HDAC3: variants seen among roughly 807,000 people sequenced by gnomAD.
HDAC3 encodes the protein histone deacetylase 3.
A neutral mutation model predicts 62.3 loss-of-function variants in HDAC3; 21 were observed. That is an observed-to-expected ratio of 0.34 (90% confidence interval 0.24 to 0.49). The LOEUF is 0.49. Among genes scored for constraint, HDAC3 ranks in the 20% least tolerant of loss-of-function variants. The pLI is 0.99. For missense variants in HDAC3, 270 were observed against 556.9 expected, an observed-to-expected ratio of 0.48 and a Z score of 5.19; for synonymous variants, 198 against 206.5, an observed-to-expected ratio of 0.96 and a Z score of 0.35.
chr5:141,625,981 CTGTT>C lies in HDAC3; in HGVS notation c.979+28_979+31del. Reference sequence around the variant, plus strand: ...CTGGAATCTGGTGAGAATGGCCTTCCTGTTATGGGGGTGTTGTGGGGTGGTCCTT... The same window carrying C: ...CTGGAATCTGGTGAGAATGGCCTTCCATGGGGGTGTTGTGGGGTGGTCCTT... On this transcript the variant is annotated intron_variant, in intron 12 of 14. Coordinates refer to ENST00000305264, the MANE Select transcript of HDAC3 (RefSeq NM_003883.4). The surrounding 1 kb of genome is among the most constrained non-coding windows in gnomAD (Gnocchi z 4.0). The C allele has an allele frequency of 1.3e-6, 2 of 1,581,986 alleles. No homozygotes were observed. Among genetic ancestry groups the C allele is most frequent in the Non-Finnish European group, 1.7e-6 (2 of 1,150,848 alleles).
intron 3 of HDAC3, among the ~76,000 whole-genome samples, chr5:141,630,719 C>T (rs1278013751): frequency 6.6e-6 from 1 of 152,090 alleles, no homozygotes; most frequent in Non-Finnish European, 1.5e-5. Context: ...ATGTAACATT[C>T]TGGAAAAGGT....
chr5:141,628,282 G>A lies in HDAC3; in HGVS notation c.692-95C>T. ...GGGGGTTGAGCGAGCATGTAGCCCA[G>A]GAAAGGGGCCACCCAAAAGAATCAA... On this transcript the variant is annotated intron_variant, in intron 8 of 14. Coordinates refer to ENST00000305264, the MANE Select transcript of HDAC3 (RefSeq NM_003883.4). The surrounding 1 kb of genome is among the most constrained non-coding windows in gnomAD (Gnocchi z 4.7). The A allele has an allele frequency of 9.6e-7, 1 of 1,036,720 alleles. No individual in the cohort carries two copies. The highest frequency in any genetic ancestry group is 1.5e-6 in the Non-Finnish European group (1 of 671,936). 64.2% of individuals were successfully genotyped at this position (1,036,720 alleles called of 1,614,324 possible). A position where few individuals can be genotyped will look rare whatever the true frequency, so the allele number is the denominator to read the frequency against.
In HDAC3 at chr5:141,621,467, C is replaced by G; in HGVS notation, c.*1G>C. 1 of 1,613,850 alleles carries G rather than the reference C, an allele frequency of 6.2e-7. No individual in the cohort carries two copies. Among genetic ancestry groups the G allele is most frequent in the Non-Finnish European group, 8.5e-7 (1 of 1,179,726 alleles). ...TTGGGACACAGCATCCCAAGCCACT[C>G]TTAAATCTCCACATCGCTTTCCTTG... On this transcript the variant is annotated 3_prime_UTR_variant, in exon 15 of 15. Coordinates refer to ENST00000305264, the MANE Select transcript of HDAC3 (RefSeq NM_003883.4).
rs1461364177 is a variant in HDAC3, at chr5:141,635,414, A to G, written c.139-461T>C. ...GTCACACCTCTTTGAAAACTGCACA[A>G]GAAAGAGCTTTTCTTCTCCCAGAAA... On this transcript the variant is annotated intron_variant, in intron 2 of 14. Transcript: ENST00000305264. 2.6e-5 allele frequency among the ~76,000 whole-genome samples: 4 copies of G among 152,236 alleles called. No homozygotes were observed. The South Asian group carries it at 8.3e-4, about 32-fold the overall frequency.
rs571809731 is a variant in HDAC3, at chr5:141,627,863, C to T, written c.830+30G>A. On this transcript the variant is annotated intron_variant, in intron 10 of 14. Coordinates refer to ENST00000305264, the MANE Select transcript of HDAC3 (RefSeq NM_003883.4). ...CTGAAGTCCAAGGCCACTTAAAAAC[C>T]TTGGGGAGAAGAAGGAGAGCAAGTC... 9 of 1,612,442 alleles carry T rather than the reference C, an allele frequency of 5.6e-6. No homozygotes were observed. The African/African-American group carries it at 1.2e-4, about 22-fold the overall frequency.
At chr5:141,633,969 A>G (rs1157992264) in intron 3 of HDAC3, among the ~76,000 whole-genome samples, 1 of 152,232 alleles carries the variant, frequency 6.6e-6, no homozygotes, top group Non-Finnish European at 1.5e-5. Flanking sequence ...AACAAAAGTA[A>G]GTAGAATTGA....
chr5:141,629,772 A>G lies in HDAC3; in HGVS notation c.421-33T>C. 1 of 1,613,322 alleles carries G rather than the reference A, an allele frequency of 6.2e-7. No homozygotes were observed. The highest frequency in any genetic ancestry group is 8.5e-7 in the Non-Finnish European group (1 of 1,179,294). On this transcript the variant is annotated intron_variant, in intron 5 of 14. Transcript: ENST00000305264. The surrounding 1 kb of genome is among the most constrained non-coding windows in gnomAD (Gnocchi z 5.3). ...AAGACAGTGGTCTCATAAAGAGAAG[A>G]GCAATTCCCCTCCCAGCTGCCCCCC...
chr5:141,625,841 A>C lies in HDAC3; in HGVS notation c.980-77T>G, dbSNP rs1405875567. ...AGACTTCCCAATCTTTTTCCTTCCC[A>C]TCCAGAGCACCTACATAATAGCTGC... is the stretch of plus-strand genomic sequence containing the variant. On this transcript the variant is annotated intron_variant, in intron 12 of 14. Coordinates refer to ENST00000305264, the MANE Select transcript of HDAC3 (RefSeq NM_003883.4). This position sits in a 1 kb window ranked among gnomAD's most constrained non-coding sequence, Gnocchi z 4.0. 7.0e-7 allele frequency: 1 copy of C among 1,433,686 alleles called. No homozygotes were observed. Among genetic ancestry groups the C allele is most frequent in the African/African-American group, 1.4e-5 (1 of 71,196 alleles). 88.8% of individuals were successfully genotyped at this position (1,433,686 alleles called of 1,614,324 possible).
In HDAC3 at chr5:141,626,643, T is replaced by C. The variant is rs1020522643; in HGVS notation, c.831-360A>G. 6.6e-6 allele frequency among the ~76,000 whole-genome samples: 1 copy of C among 151,774 alleles called. No homozygotes were observed. Among genetic ancestry groups the C allele is most frequent in the African/African-American group, 2.4e-5 (1 of 41,298 alleles). The stretch of plus-strand genomic sequence containing the variant: ...TAGTAGTCCCAGCTACTCAGGAGGC[T>C]GAGGCAGGAGAAATGCTTGAACCCA... On this transcript the variant is annotated intron_variant, in intron 10 of 14. Coordinates refer to ENST00000305264, the MANE Select transcript of HDAC3 (RefSeq NM_003883.4). This position sits in a 1 kb window ranked among gnomAD's most constrained non-coding sequence, Gnocchi z 4.6.
chr5:141,629,292 AC>A lies in HDAC3; in HGVS notation c.490del (p.Val164CysfsTer25). 1 of 1,614,166 alleles carries A rather than the reference AC, an allele frequency of 6.2e-7. No individual in the cohort carries two copies. Among genetic ancestry groups the A allele is most frequent in the Non-Finnish European group, 8.5e-7 (1 of 1,180,020 alleles). ...ILELLKYHPR[V>X]LYIDIDIHHG... ...GTGGATGTCAATGTCAATGTAGAGC[AC>A]CCGAGGGTGGTACCTAGAGGGAAGC... On this transcript the variant is annotated frameshift_variant, in exon 7 of 15. Transcript: ENST00000305264. LOFTEE classifies it high-confidence loss of function. This position sits in a 1 kb window ranked among gnomAD's most constrained non-coding sequence, Gnocchi z 5.3.
At position 141,627,953 on chromosome 5, in the gene HDAC3, C is replaced by T; in HGVS notation, c.770G>A (p.Gly257Glu). 6.2e-7 allele frequency: 1 copy of T among 1,614,116 alleles called. No individual in the cohort carries two copies. The highest frequency in any genetic ancestry group is 8.5e-7 in the Non-Finnish European group (1 of 1,180,016). ...YQPTCIVLQC[G>E]ADSLGCDRLG... ...TCGATCACAGCCCAGAGAGTCAGCT[C>T]CACACTGCAAAAAGCAAAACCCCAG... Residue 257 changes from glycine to glutamate, a missense_variant, in exon 10 of 15, where the codon GGA becomes GAA. Gly to Glu is a moderately conservative substitution (Grantham distance 98). Transcript: ENST00000305264.
rs1228337830 is a variant in HDAC3, at chr5:141,629,299, G to A, written c.484C>T (p.Pro162Ser). Residue 162 changes from proline (P) to serine (S), a missense_variant, in exon 7 of 15, where the codon CCT (proline) becomes TCT (serine). Transcript: ENST00000305264. The surrounding 1 kb of genome is among the most constrained non-coding windows in gnomAD (Gnocchi z 5.3). Reference sequence around the variant, plus strand: ...TCAATGTCAATGTAGAGCACCCGAGGGTGGTACCTAGAGGGAAGCCAAAGC... The same window carrying A: ...TCAATGTCAATGTAGAGCACCCGAGAGTGGTACCTAGAGGGAAGCCAAAGC... ...IGILELLKYH[P>S]RVLYIDIDIH... The A allele has an allele frequency of 3.1e-6, 5 of 1,614,040 alleles. No homozygotes were observed. Among genetic ancestry groups the A allele is most frequent in the Non-Finnish European group, 4.2e-6 (5 of 1,180,032 alleles).
At position 141,625,852 on chromosome 5, in the gene HDAC3, C is replaced by T. The variant is rs2099904364; in HGVS notation, c.980-88G>A. 5.1e-6 allele frequency: 7 copies of T among 1,369,222 alleles called. No homozygotes were observed. The highest frequency in any genetic ancestry group is 7.3e-6 in the Non-Finnish European group (7 of 957,976). The allele number at this position is 1,369,222 out of a possible 1,614,324, so 84.8% of individuals were successfully genotyped here. ...TCTTTTTCCTTCCCATCCAGAGCAC[C>T]TACATAATAGCTGCCCAATCTCTTC... On this transcript the variant is annotated intron_variant, in intron 12 of 14. Transcript: ENST00000305264. The surrounding 1 kb of genome is among the most constrained non-coding windows in gnomAD (Gnocchi z 4.0).
rs1284880941 is a variant in HDAC3, at chr5:141,630,027, A to T, written c.363+17T>A. ...GGATCCAGAGGAAAGGAAGAACAGG[A>T]CTCGGGACTATGTCACCTTGTTGTT... On this transcript the variant is annotated intron_variant, in intron 4 of 14. Transcript: ENST00000305264. 1.2e-6 allele frequency: 2 copies of T among 1,613,952 alleles called. No homozygotes were observed. Among genetic ancestry groups the T allele is most frequent in the Non-Finnish European group, 8.5e-7 (1 of 1,179,842 alleles).
intron 3 of HDAC3, among the ~76,000 whole-genome samples, chr5:141,633,891 G>A (rs532172182): frequency 2.2e-4 from 33 of 151,186 alleles, no homozygotes; most frequent in African/African-American, 7.1e-4. Context: ...GGTGATGGAC[G>A]TATGGGAGGT....
chr5:141,631,176 C>T (rs1024059503), intron 3 of HDAC3, among the ~76,000 whole-genome samples: 62 of 151,500 alleles, frequency 4.1e-4, no homozygotes, highest in African/African-American at 1.4e-3. Flanking sequence ...AAAAACAGAA[C>T]TGTAGGGGTT....
intron 14 of HDAC3, among the ~76,000 whole-genome samples, chr5:141,622,222 G>A (rs940000332): frequency 4.6e-5 from 7 of 152,292 alleles, no homozygotes; most frequent in African/African-American, 1.7e-4. Flanking sequence ...GAAGAGTGAC[G>A]TGGTATTATA....
rs757542057 is a variant in HDAC3 at position 141,626,033 on chromosome 5, C to T, written c.959G>A (p.Ser320Asn). ...CTTACCACTATAGGGAAGCTCCTCA[C>T]TAATGGCCTCTTCTACCAGCAGCGA... ...ETSLLVEEAI[S>N]EELPYSEYFE... Residue 320 changes from serine to asparagine, a missense_variant, in exon 12 of 15, where the codon AGT (serine) becomes AAT (asparagine). Around this residue, in one of 5 missense-constraint regions of HDAC3, gnomAD observed 156 missense variants for 383.9 expected, o/e 0.41. Transcript: ENST00000305264. This position sits in a 1 kb window ranked among gnomAD's most constrained non-coding sequence, Gnocchi z 4.6. 1 of 1,614,066 alleles carries T rather than the reference C, an allele frequency of 6.2e-7. No individual in the cohort carries two copies. The highest frequency in any genetic ancestry group is 8.5e-7 in the Non-Finnish European group (1 of 1,179,958).
rs533488025 is a variant in HDAC3 at position 141,626,768 on chromosome 5, ATG to A, written c.831-487_831-486del. Reference sequence around the variant, plus strand: ...AAAAAAGAAAAAAAAAAACATATATATGTGTGTGTGTGTGTGTATATATATAT... The same window carrying A: ...AAAAAAGAAAAAAAAAAACATATATATGTGTGTGTGTGTGTATATATATAT... On this transcript the variant is annotated intron_variant, in intron 10 of 14. Transcript: ENST00000305264. The surrounding 1 kb of genome is among the most constrained non-coding windows in gnomAD (Gnocchi z 4.6). Among the ~76,000 whole-genome samples the A allele has an allele frequency of 0.14, 18,624 of 132,454 alleles. 2,198 individuals are homozygous for A. Among genetic ancestry groups the A allele is most frequent in the African/African-American group, 0.35 (11,134 of 32,212 alleles). 86.9% of individuals were successfully genotyped at this position (132,454 alleles called of 152,430 possible). A position where few individuals can be genotyped will look rare whatever the true frequency, so the allele number is the denominator to read the frequency against.
Sources: gnomAD v4.1 joint callset for allele counts (sites outside exome capture counted in the v4.1 genomes callset) on GRCh38, gnomAD v4.1.1 for gene constraint, gnomAD v4.1.1 regional missense constraint, Gnocchi (gnomAD v3.1) non-coding constraint, MANE v1.5 for transcripts, NCBI Gene and HGNC (gene_info 2026-07-23, HGNC 2026-07-21) for gene names.